VEZF1: variants seen among roughly 807,000 people sequenced by gnomAD.
The protein encoded by VEZF1 is vascular endothelial zinc finger 1, also known as putative transcription factor DB1.
A neutral mutation model predicts 44.1 loss-of-function variants in VEZF1; 5 were observed. The observed-to-expected ratio is 0.11, with a 90% CI of 0.06 to 0.24. The LOEUF (loss-of-function observed/expected upper bound fraction) is 0.24. VEZF1 is among the 10% of genes least tolerant of loss of function. VEZF1 has a pLI of 1.00. For missense variants in VEZF1, 358 were observed against 641.8 expected (o/e 0.56, Z 4.78); for synonymous variants, 236 against 233.1 (o/e 1.01, Z -0.11).
intron 5 of VEZF1, among the ~76,000 whole-genome samples, chr17:57,978,200 G>A (rs1243009855): frequency 6.7e-6 from 1 of 149,534 alleles, no homozygotes; most frequent in African/African-American, 2.5e-5. Context: ...GAGAGACTCT[G>A]TCTAAAAAAG....
rs973167584 is a variant in VEZF1, at chr17:57,979,304, C to T, written c.986G>A (p.Ser329Asn). The change falls in exon 5 of 6, where the codon AGT becomes AAT. Residue 329 changes from serine to asparagine, a missense_variant. Ser to Asn is a conservative substitution (Grantham distance 46). Coordinates refer to ENST00000581208, the MANE Select transcript of VEZF1 (RefSeq NM_007146.3). ...CKQGISKTCM[S>N]EETSNQKQQQ... ...CTGCTTTTGGTTACTGGTCTCTTCACTCATGCATGCTATTACAAAGACAAA... is the reference window on the plus strand; with the variant it reads ...CTGCTTTTGGTTACTGGTCTCTTCATTCATGCATGCTATTACAAAGACAAA... 3 of 1,613,630 alleles carry T rather than the reference C, an allele frequency of 1.9e-6. No individual in the cohort carries two copies. The highest frequency in any genetic ancestry group is 1.3e-5 in the African/African-American group (1 of 74,812).
intron 1 of VEZF1, among the ~76,000 whole-genome samples, chr17:57,986,950 G>A (rs1465722855): frequency 2.6e-5 from 4 of 152,192 alleles, no homozygotes; most frequent in Non-Finnish European, 5.9e-5. Context: ...TTCCCCGTGA[G>A]CTCATCGCTA....
chr17:57,985,694 T>C (rs569492510), intron 1 of VEZF1, among the ~76,000 whole-genome samples: 25 of 152,256 alleles, frequency 1.6e-4, no homozygotes, highest in African/African-American at 6.0e-4. Flanking sequence ...TCACCCAGGG[T>C]AGTAGGATAT....
chr17:57,984,611 C>T (rs1353730842), intron 1 of VEZF1, among the ~76,000 whole-genome samples: 5 of 152,140 alleles, frequency 3.3e-5, no homozygotes, highest in Admixed American at 6.5e-5. Flanking sequence ...ACACTTTAGA[C>T]GGTTACTTAC....
chr17:57,981,795 GTGAGATTCAAC>G, intron 3 of VEZF1, 67 bp downstream of exon 3: 1 of 1,384,846 alleles, frequency 7.2e-7, no homozygotes, highest in Non-Finnish European at 1.0e-6. Context: ...TTCAAGAATG[GTGAGATTCAAC>G]TGGCTCAGAC....
At chr17:57,986,167 A>G (rs2075291620) in intron 1 of VEZF1, 1 of 152,222 alleles carries the variant, frequency 6.6e-6, no homozygotes, top group African/African-American at 2.4e-5. Context: ...AAATAATATA[A>G]AATCTAATTA....
In VEZF1 at chr17:57,980,693, G is replaced by A. The variant is rs1209167324; in HGVS notation, c.886C>T (p.Leu296=). ...TGGCTGGTGATGTATGCTGCACTCA[G>A]GAGCTTCCCACAGATGTTACATGAT... ...KVSCNICGKL[L]SAAYITSHLK... The change falls in exon 4 of 6, where the codon CTG becomes TTG. Residue 296 remains leucine (L), a synonymous_variant. Coordinates refer to ENST00000581208, the MANE Select transcript of VEZF1 (RefSeq NM_007146.3). 6.2e-7 allele frequency: 1 copy of A among 1,614,154 alleles called. No individual in the cohort carries two copies. The highest frequency in any genetic ancestry group is 2.2e-5 in the East Asian group (1 of 44,882).
At position 57,983,082 on chromosome 17, in the gene VEZF1, A is replaced by G. The variant is rs144367009; in HGVS notation, c.345T>C (p.Leu115=). ...TGCTGTCCCCAGCGATGGTAGAGAT[A>G]AGGGGAACCACCGTGGTGGGGGTTT... ...PKKTPTTVVP[L]ISTIAGDSSR... The change falls in exon 2 of 6, where the codon CTT becomes CTC. Residue 115 remains leucine (L), a synonymous_variant. Transcript: ENST00000581208. 22 of 1,614,186 alleles carry G rather than the reference A, an allele frequency of 1.4e-5. No individual in the cohort carries two copies. Among genetic ancestry groups the G allele is most frequent in the South Asian group, 3.3e-5 (3 of 91,086 alleles).
chr17:57,979,372 T>C, intron 4 of VEZF1, 59 bp from the exon 5 acceptor site: 1 of 1,595,710 alleles, frequency 6.3e-7, no homozygotes, highest in South Asian at 1.1e-5. Context: ...GCCGTTTTTT[T>C]TCAAAATTGA....
At chr17:57,980,327 A>G (rs990919303) in intron 4 of VEZF1, among the ~76,000 whole-genome samples, 5 of 152,224 alleles carry the variant, frequency 3.3e-5, no homozygotes, top group Admixed American at 6.5e-5. Flanking sequence ...AGTGGATATG[A>G]TATCTCATTT....
chr17:57,988,044 T>TC (rs1253629140), intron 1 of VEZF1, 35 bp downstream of exon 1: 4 of 236,124 alleles, frequency 1.7e-5, no homozygotes, highest in Admixed American at 1.3e-4. Context: ...GGCCCCCCTG[T>TC]CCCCCCCGTG....
At chr17:57,981,534 A>C (rs1365854679) in intron 3 of VEZF1, among the ~76,000 whole-genome samples, 1 of 152,238 alleles carries the variant, frequency 6.6e-6, no homozygotes, top group Non-Finnish European at 1.5e-5. Flanking sequence ...CAACTTCAAT[A>C]ATCAACCCAG....
rs779690868 is a variant in VEZF1 at position 57,974,906 on chromosome 17, AT to A, written c.1139-7del. 1 of 1,602,818 alleles carries A rather than the reference AT, an allele frequency of 6.2e-7. No homozygotes were observed. Among genetic ancestry groups the A allele is most frequent in the Non-Finnish European group, 8.5e-7 (1 of 1,171,042 alleles). ...TTGGCACAGGTTAGCAGCTTCTAAA[AT>A]AAGAAGAAAAAGGGTCTTTAGATTC... On this transcript the variant is annotated splice_polypyrimidine_tract_variant and splice_region_variant and intron_variant, in intron 5 of 5. Transcript: ENST00000581208.
At chr17:57,981,634 T>C (rs1036452747) in intron 3 of VEZF1, among the ~76,000 whole-genome samples, 1 of 152,208 alleles carries the variant, frequency 6.6e-6, no homozygotes, top group East Asian at 1.9e-4. Context: ...AAAATACTAT[T>C]GCCCAAAGAA....
intron 5 of VEZF1, 83 bp from the exon 6 acceptor site, chr17:57,974,983 T>TA: frequency 7.1e-7 from 1 of 1,418,338 alleles, no homozygotes. Flanking sequence ...TTCTTTTCAT[T>TA]AAAAATGTCA....
rs570010542 is a variant in VEZF1 at position 57,980,587 on chromosome 17, C to G, written c.976+16G>C. The G allele has an allele frequency of 1.4e-5, 22 of 1,609,478 alleles. No individual in the cohort carries two copies. The East Asian group carries it at 2.7e-4, about 20-fold the overall frequency. ...ATCTGAAATATAAAAGAAAGAAAAT[C>G]TGAAGCACCACCTACTTTTACTGAT... On this transcript the variant is annotated intron_variant, in intron 4 of 5. Coordinates refer to ENST00000581208, the MANE Select transcript of VEZF1 (RefSeq NM_007146.3).
chr17:57,976,774 G>T (rs2075195591), intron 5 of VEZF1, among the ~76,000 whole-genome samples: 1 of 152,022 alleles, frequency 6.6e-6, no homozygotes, highest in African/African-American at 2.4e-5. Context: ...AAGTCTTATT[G>T]TGCAAGCAAA....
At chr17:57,976,865 T>C (rs1008107752) in intron 5 of VEZF1, among the ~76,000 whole-genome samples, 2 of 152,040 alleles carry the variant, frequency 1.3e-5, no homozygotes, top group African/African-American at 2.4e-5. Flanking sequence ...GCTGGGAGTA[T>C]TGCTGAGGAT....
chr17:57,980,416 G>GT (rs2075238206), intron 4 of VEZF1, among the ~76,000 whole-genome samples, 187 bp downstream of exon 4: 1 of 152,176 alleles, frequency 6.6e-6, no homozygotes. Flanking sequence ...TATCAATGCT[G>GT]TTTGCATACA....
Sources: allele counts gnomAD v4.1 joint callset (sites outside exome capture counted in the v4.1 genomes callset), GRCh38; gene constraint gnomAD v4.1.1; transcripts MANE v1.5; gene names NCBI Gene and HGNC (gene_info 2026-07-23, HGNC 2026-07-21).